Variants in PTPRM observed in about 807,000 individuals in gnomAD.
PTPRM encodes protein tyrosine phosphatase receptor type M.
PTPRM carries 47 observed loss-of-function variants against 186.7 expected under a neutral mutation model. The ratio of observed to expected loss-of-function variants is 0.25; its 90% CI spans 0.20 to 0.32. The LOEUF is 0.32. Among genes scored for constraint, PTPRM ranks in the 10% least tolerant of loss-of-function variants. PTPRM has a pLI of 1.00. For synonymous variants in PTPRM, 668 were observed against 674.9 expected, an observed-to-expected ratio of 0.99 and a Z score of 0.16; for missense variants, 1,494 against 1,865.0, an observed-to-expected ratio of 0.80 and a Z score of 3.66.
chr18:8,248,912 C>T (rs537747986), intron 17 of PTPRM, among the ~76,000 whole-genome samples: 1 of 152,192 alleles, frequency 6.6e-6, no homozygotes, highest in Non-Finnish European at 1.5e-5. Context: ...CAGGGGGTTA[C>T]AGAAAAAGTC....
At chr18:7,949,836 A>G (rs368650519) in intron 6 of PTPRM, among the ~76,000 whole-genome samples, 3 of 152,210 alleles carry the variant, frequency 2.0e-5, no homozygotes, top group African/African-American at 7.2e-5. Flanking sequence ...TTCTATTACT[A>G]TATTTTGCAT....
chr18:7,783,590 G>T (rs545893559), intron 2 of PTPRM, among the ~76,000 whole-genome samples: 2 of 152,004 alleles, frequency 1.3e-5, no homozygotes, highest in African/African-American at 2.4e-5. Flanking sequence ...TTTGTTTTTA[G>T]AGATGGGGTC....
intron 19 of PTPRM, among the ~76,000 whole-genome samples, chr18:8,289,541 T>TATACAC (rs1197982059): frequency 1.2e-5 from 1 of 81,230 alleles, no homozygotes; most frequent in African/African-American, 6.5e-5. Context: ...TATACACATA[T>TATACAC]ATATATATAC....
Position 8,376,050 on chromosome 18 carries a change from G to C in PTPRM, c.3176G>C (p.Gly1059Ala), listed in dbSNP as rs1313859672. Residue 1059 changes from glycine to alanine, a missense_variant, in exon 25 of 33, where the codon GGT becomes GCT. Gly to Ala is a moderately conservative substitution (Grantham distance 60, BLOSUM62 0). Transcript: ENST00000580170. ...CTGGCTAACCAACTACTGCAGAGAG[G>C]TGTGCATGAAATCCGAGAGATCAGA... Reference protein sequence around the residue: ...VIRTFAVEKRGVHEIREIRQF... With the variant: ...VIRTFAVEKRAVHEIREIRQF... 3.7e-6 allele frequency: 6 copies of C among 1,608,984 alleles called. No homozygotes were observed. In the Admixed American group the frequency reaches 5.0e-5, roughly 13 times the overall value.
intron 1 of PTPRM, among the ~76,000 whole-genome samples, chr18:7,580,114 A>G (rs1457693063): frequency 1.3e-5 from 2 of 152,218 alleles, no homozygotes; most frequent in Non-Finnish European, 2.9e-5. Context: ...CCCTTGTAAA[A>G]TGACATTTGA....
intron 1 of PTPRM, among the ~76,000 whole-genome samples, chr18:7,617,584 A>G (rs2037836688): frequency 6.6e-6 from 1 of 152,180 alleles, no homozygotes; most frequent in African/African-American, 2.4e-5. Flanking sequence ...TCCAGAGTAA[A>G]TTTAGAAGTT....
chr18:7,903,987 A>G (rs1267868994), intron 3 of PTPRM, among the ~76,000 whole-genome samples: 1 of 152,232 alleles, frequency 6.6e-6, no homozygotes, highest in African/African-American at 2.4e-5. Context: ...CGTTGCATTT[A>G]TGGACAATTA....
chr18:7,641,097 C>G (rs78399545), intron 1 of PTPRM, among the ~76,000 whole-genome samples: 3,323 of 152,282 alleles, frequency 0.022, 47 homozygotes, highest in Non-Finnish European at 0.035. Context: ...GCTTTTCTTT[C>G]TCTTTGTCCC....
At chr18:8,193,002 G>T (rs1212983629) in intron 14 of PTPRM, among the ~76,000 whole-genome samples, 1 of 152,070 alleles carries the variant, frequency 6.6e-6, no homozygotes, top group Non-Finnish European at 1.5e-5. Context: ...GCATGTGGGG[G>T]ACAGTTGGAT....
At chr18:8,238,649 G>GT (rs1568577885) in intron 14 of PTPRM, among the ~76,000 whole-genome samples, 2 of 73,650 alleles carry the variant, frequency 2.7e-5, no homozygotes, top group African/African-American at 8.4e-5. Context: ...ACTGTTTTGT[G>GT]TGTTTTTTTT....
chr18:8,192,816 C>T (rs1442464980), intron 14 of PTPRM, among the ~76,000 whole-genome samples: 1 of 152,168 alleles, frequency 6.6e-6, no homozygotes, highest in Non-Finnish European at 1.5e-5. Flanking sequence ...ACATGACCTT[C>T]AAGTGTCACC....
At chr18:8,259,244 C>T (rs1380415809) in intron 19 of PTPRM, among the ~76,000 whole-genome samples, 3 of 152,264 alleles carry the variant, frequency 2.0e-5, no homozygotes, top group Middle Eastern at 3.4e-3. Flanking sequence ...CTGCTGTGCT[C>T]GGCCCCACCT....
chr18:8,193,623 A>G (rs2093737195), intron 14 of PTPRM, among the ~76,000 whole-genome samples: 1 of 152,228 alleles, frequency 6.6e-6, no homozygotes, highest in African/African-American at 2.4e-5. Flanking sequence ...ACCTGGGCCC[A>G]ACAAGTGTGG....
intron 7 of PTPRM, among the ~76,000 whole-genome samples, chr18:7,988,186 T>C (rs922084003): frequency 9.9e-5 from 15 of 151,938 alleles, no homozygotes; most frequent in Admixed American, 6.6e-4. Flanking sequence ...GGATCTGTTA[T>C]CATGTTCATT....
intron 7 of PTPRM, among the ~76,000 whole-genome samples, chr18:7,958,367 C>T (rs1354878026): frequency 3.3e-5 from 5 of 151,988 alleles, no homozygotes; most frequent in Non-Finnish European, 7.4e-5. Flanking sequence ...AGAGACAGCA[C>T]AAAATAGATT....
chr18:7,850,660 C>T (rs2046816534), intron 2 of PTPRM, among the ~76,000 whole-genome samples: 1 of 152,184 alleles, frequency 6.6e-6, no homozygotes, highest in Admixed American at 6.5e-5. Context: ...AGTGATTTCT[C>T]ACAGTGACTG....
intron 4 of PTPRM, among the ~76,000 whole-genome samples, chr18:7,919,594 C>T (rs1366159392): frequency 6.6e-6 from 1 of 152,006 alleles, no homozygotes; most frequent in Non-Finnish European, 1.5e-5. Flanking sequence ...ATTATTTCTA[C>T]TTTTTTAAAT....
intron 23 of PTPRM, among the ~76,000 whole-genome samples, chr18:8,370,631 C>A (rs2095657872): frequency 1.3e-5 from 2 of 152,178 alleles, no homozygotes; most frequent in Non-Finnish European, 2.9e-5. Context: ...GTTACAGTAA[C>A]TGGGATGTTT....
intron 14 of PTPRM, among the ~76,000 whole-genome samples, chr18:8,223,999 A>G (rs532629181): frequency 6.6e-6 from 1 of 152,294 alleles, no homozygotes; most frequent in East Asian, 1.9e-4. Flanking sequence ...GAAGTATGGT[A>G]GAGTCTTTCT....
Sources: gnomAD v4.1 joint callset for allele counts (sites outside exome capture counted in the v4.1 genomes callset) on GRCh38, gnomAD v4.1.1 for gene constraint, MANE v1.5 for transcripts, NCBI Gene and HGNC (gene_info 2026-07-23, HGNC 2026-07-21) for gene names.